The following ZNF541 variants were observed in gnomAD, a reference collection of about 807,000 sequenced individuals.
The protein encoded by ZNF541 is zinc finger protein 541.
Under a neutral mutation model 123.5 loss-of-function variants are expected in ZNF541, and 23 were observed. The ratio of observed to expected loss-of-function variants is 0.19; its 90% CI spans 0.13 to 0.26. The LOEUF is 0.26. ZNF541 is among the 10% of genes least tolerant of loss of function. The pLI is 1.00. For missense variants in ZNF541, 1,612 were observed against 1,789.9 expected, an observed-to-expected ratio of 0.90 and a Z score of 1.79; for synonymous variants, 751 against 754.5, an observed-to-expected ratio of 1.00 and a Z score of 0.08.
chr19:47,560,857 T>C (rs1359119675), intron 2 of ZNF541, among the ~76,000 whole-genome samples: 1 of 151,908 alleles, frequency 6.6e-6, no homozygotes, highest in Non-Finnish European at 1.5e-5. Context: ...CTGTGGAACA[T>C]CCAGACAATG....
rs1970803520 is a variant in ZNF541 at position 47,555,894 on chromosome 19, C to T, written c.-38G>A. On this transcript the variant is annotated 5_prime_UTR_variant, in exon 3 of 17. It introduces an in-frame stop codon into an upstream open reading frame of the 5' UTR. Coordinates refer to ENST00000391901, the MANE Select transcript of ZNF541 (RefSeq NM_001277075.3). ...CCAGGTCTTGGCCAAAAGCTACTCTCCAGATAAGCAAAACCATGTAAGGAG... is the reference window on the plus strand; with the variant it reads ...CCAGGTCTTGGCCAAAAGCTACTCTTCAGATAAGCAAAACCATGTAAGGAG... 5 of 1,513,384 alleles carry T rather than the reference C, an allele frequency of 3.3e-6. No individual in the cohort carries two copies. Among genetic ancestry groups the T allele is most frequent in the Non-Finnish European group, 4.4e-6 (5 of 1,125,974 alleles). The allele number at this position is 1,513,384 out of a possible 1,614,324, so 93.7% of individuals were successfully genotyped here.
intron 13 of ZNF541, 58 bp from the exon 14 acceptor site, chr19:47,529,096 G>T: frequency 1.6e-6 from 2 of 1,285,160 alleles, no homozygotes; most frequent in Non-Finnish European, 1.1e-6. Context: ...CACAGCCATG[G>T]CTGAAATGCA....
intron 11 of ZNF541, 114 bp downstream of exon 11, chr19:47,532,014 A>G: frequency 2.2e-5 from 30 of 1,389,580 alleles, no homozygotes; most frequent in Non-Finnish European, 2.9e-5. Context: ...TCCCACGCCC[A>G]GGGGACACTA....
At chr19:47,528,911 T>A in intron 14 of ZNF541, 39 bp downstream of exon 14, 1 of 1,508,904 alleles carries the variant, frequency 6.6e-7, no homozygotes, top group Non-Finnish European at 9.0e-7. Context: ...CTCAGCTGTG[T>A]GAGGCAGGGC....
At chr19:47,555,264 G>A (rs34692603) in intron 3 of ZNF541, among the ~76,000 whole-genome samples, 17,945 of 151,410 alleles carry the variant, frequency 0.12, 1,176 homozygotes, top group East Asian at 0.22. Context: ...CAGCTACTCC[G>A]GAGGCTGAGG....
At position 47,555,714 on chromosome 19, in the gene ZNF541, C is replaced by T; in HGVS notation, c.143G>A (p.Gly48Asp). The T allele has an allele frequency of 6.4e-7, 1 of 1,551,724 alleles. No homozygotes were observed. The highest frequency in any genetic ancestry group is 1.7e-4 in the Middle Eastern group (1 of 5,992). ...GPNTRGFLYAGLSGLDPDPSL... is the reference protein window; with the variant it reads ...GPNTRGFLYADLSGLDPDPSL... ...GGGGTCCGGGTCCAGACCACTCAGG[C>T]CAGCATAAAGAAAGCCTCGCGTGTT... Residue 48 changes from glycine (G) to aspartate (D), a missense_variant, in exon 3 of 17, where the codon GGC (glycine) becomes GAC (aspartate). Gly to Asp is a moderately conservative substitution (Grantham distance 94). Around this residue, in one of 5 missense-constraint regions of ZNF541, gnomAD observed 212 missense variants for 289.6 expected, o/e 0.73. Transcript: ENST00000391901.
At chr19:47,550,231 G>A (rs188964247) in intron 3 of ZNF541, among the ~76,000 whole-genome samples, 3 of 151,614 alleles carry the variant, frequency 2.0e-5, no homozygotes, top group Non-Finnish European at 4.4e-5. Flanking sequence ...TAGCCTGGGC[G>A]ACAGAGTGGG....
intron 5 of ZNF541, 115 bp downstream of exon 5, chr19:47,544,011 C>A: frequency 7.8e-7 from 1 of 1,290,022 alleles, no homozygotes; most frequent in Non-Finnish European, 1.0e-6. Flanking sequence ...TAATTCCTTC[C>A]TCTGTAAAAT....
chr19:47,565,568 T>C (rs1971230974), intron 2 of ZNF541, among the ~76,000 whole-genome samples: 3 of 152,176 alleles, frequency 2.0e-5, no homozygotes, highest in African/African-American at 4.8e-5. Flanking sequence ...GCAGTTCAAA[T>C]TGAGACAAGG....
intron 9 of ZNF541, among the ~76,000 whole-genome samples, chr19:47,534,398 C>T (rs912892755): frequency 6.6e-6 from 1 of 152,150 alleles, no homozygotes; most frequent in Non-Finnish European, 1.5e-5. Context: ...CGCCTGTAAT[C>T]CCAGCACTTT....
intron 2 of ZNF541, among the ~76,000 whole-genome samples, chr19:47,571,347 G>T (rs370169561): frequency 1.3e-5 from 2 of 152,266 alleles, no homozygotes; most frequent in South Asian, 2.1e-4. Context: ...CTCCTCAGCC[G>T]CCTCGGCCTC....
rs1221888325 is a variant in ZNF541, at chr19:47,559,298, G to C, written c.-98-3344C>G. Among the ~76,000 whole-genome samples the C allele has an allele frequency of 3.3e-5, 5 of 151,792 alleles. No homozygotes were observed. In the East Asian group the frequency reaches 9.9e-4, roughly 30 times the overall value. The stretch of plus-strand genomic sequence containing the variant: ...GAGGCACAAGAATCACTTGAACCCG[G>C]GAAGCAGAGGTTGCAGTGAGCTGAG... On this transcript the variant is annotated intron_variant, in intron 2 of 16. Transcript: ENST00000391901.
chr19:47,522,141 G>T, intron 14 of ZNF541, 147 bp from the exon 15 acceptor site: 2 of 1,084,192 alleles, frequency 1.8e-6, no homozygotes, highest in Non-Finnish European at 2.6e-6. Context: ...CAAAGGCACA[G>T]GACCACAAAA....
intron 14 of ZNF541, among the ~76,000 whole-genome samples, chr19:47,528,655 A>G (rs1969421274): frequency 2.0e-5 from 3 of 151,970 alleles, no homozygotes; most frequent in Non-Finnish European, 4.4e-5. Context: ...CTATATATAT[A>G]AAATTTGTAC....
chr19:47,551,826 T>G (rs572296173), intron 3 of ZNF541, among the ~76,000 whole-genome samples: 2 of 152,188 alleles, frequency 1.3e-5, no homozygotes, highest in South Asian at 4.2e-4. Context: ...GAACCATACA[T>G]AGCACCTGGC....
chr19:47,537,618 A>G (rs956163712), intron 9 of ZNF541, among the ~76,000 whole-genome samples: 10 of 149,102 alleles, frequency 6.7e-5, no homozygotes, highest in Non-Finnish European at 1.0e-4. Flanking sequence ...TGGCTCACAC[A>G]TTTAATGCCA....
intron 9 of ZNF541, among the ~76,000 whole-genome samples, chr19:47,534,591 G>A (rs1969730573): frequency 6.6e-6 from 1 of 152,004 alleles, no homozygotes; most frequent in South Asian, 2.1e-4. Flanking sequence ...GCTGCAGTGA[G>A]CCGAGATCAT....
At chr19:47,551,944 G>C (rs1331646472) in intron 3 of ZNF541, among the ~76,000 whole-genome samples, 1 of 152,186 alleles carries the variant, frequency 6.6e-6, no homozygotes, top group Non-Finnish European at 1.5e-5. Context: ...TGCAACCTCT[G>C]CCTCCTGGGT....
At position 47,540,899 on chromosome 19, in the gene ZNF541, C is replaced by T. The variant is rs764437953; in HGVS notation, c.2456G>A (p.Gly819Asp). The part of the protein sequence containing the change: ...PHPVKEENVA[G>D]RGNQQNGSPT... ...CGGGGGCTTCTTAACTTACCCTCTG[C>T]CTGCCACATTCTCTTCCTTCACCGG... is the stretch of plus-strand genomic sequence containing the variant. The change falls in exon 6 of 17, where the codon GGC becomes GAC. Residue 819 changes from glycine (G) to aspartate (D), a missense_variant. Gly to Asp is a moderately conservative substitution (Grantham distance 94). Transcript: ENST00000391901. 9 of 1,551,222 alleles carry T rather than the reference C, an allele frequency of 5.8e-6. No homozygotes were observed. The South Asian group carries it at 1.1e-4, about 18-fold the overall frequency.
Sources: gnomAD v4.1 joint callset for allele counts (sites outside exome capture counted in the v4.1 genomes callset) on GRCh38, gnomAD v4.1.1 for gene constraint, gnomAD v4.1.1 regional missense constraint, MANE v1.5 for transcripts, NCBI Gene and HGNC (gene_info 2026-07-23, HGNC 2026-07-21) for gene names.